Variants in LHFPL1 observed in about 807,000 individuals in gnomAD.
LHFPL1 encodes the protein LHFPL tetraspan subfamily member 1, also known as LHFPL tetraspan subfamily member 1 protein.
In LHFPL1, 4 loss-of-function variants were observed where a neutral mutation model predicts 12.1. The ratio of observed to expected loss-of-function variants is 0.33; its 90% CI spans 0.16 to 0.76. LHFPL1 has a LOEUF of 0.76. Ranked by LOEUF, LHFPL1 falls within the 30% of genes least tolerant of loss-of-function variation. The pLI is 0.61. For synonymous variants in LHFPL1, 52 were observed against 61.9 expected (o/e 0.84, Z 0.75); for missense variants, 141 against 174.1 (o/e 0.81, Z 1.07).
chrX:112,643,077 A>C lies in LHFPL1; in HGVS notation c.482-11476T>G, dbSNP rs768556022. 2.8e-3 allele frequency among the ~76,000 whole-genome samples: 251 copies of C among 89,148 alleles called. 1 individual carries two copies. The highest frequency in any genetic ancestry group is 4.3e-3 in the Non-Finnish European group (208 of 48,645). The allele number at this position is 89,148 out of a possible 115,157, so 77.4% of individuals were successfully genotyped here. Reference sequence around the variant, plus strand: ...ATGAAGAAATACCTGAAACTGGGTAATTTAAAAAAAAAAAAAAAAAAAGCC... The same window carrying C: ...ATGAAGAAATACCTGAAACTGGGTACTTTAAAAAAAAAAAAAAAAAAAGCC... On this transcript the variant is annotated intron_variant, in intron 3 of 3. Coordinates refer to ENST00000371968, the MANE Select transcript of LHFPL1 (RefSeq NM_178175.4).
chrX:112,670,878 G>C, intron 2 of LHFPL1, 131 bp downstream of exon 2: 5 of 711,702 alleles, frequency 7.0e-6, no homozygotes, highest in Non-Finnish European at 8.2e-6. Context: ...TTTTAAAGGA[G>C]ACTTCATTCA....
chrX:112,659,102 C>T (rs902257756), intron 3 of LHFPL1, among the ~76,000 whole-genome samples: 17 of 111,694 alleles, frequency 1.5e-4, no homozygotes, highest in African/African-American at 5.5e-4. Context: ...TGGTTACCAG[C>T]AGCTGGGAGC....
chrX:112,657,315 T>C (rs1408145996), intron 3 of LHFPL1, among the ~76,000 whole-genome samples: 3 of 111,977 alleles, frequency 2.7e-5, no homozygotes, highest in Non-Finnish European at 5.6e-5. Context: ...TAGAAAGTCA[T>C]CTCAGGTTCA....
chrX:112,657,016 A>G (rs1254581991), intron 3 of LHFPL1, among the ~76,000 whole-genome samples: 1 of 112,480 alleles, frequency 8.9e-6, no homozygotes, highest in Non-Finnish European at 1.9e-5. Flanking sequence ...ATTCAAAATT[A>G]GAAGTACAGT....
intron 3 of LHFPL1, among the ~76,000 whole-genome samples, chrX:112,659,659 C>A (rs1326205771): frequency 8.9e-6 from 1 of 112,020 alleles, no homozygotes; most frequent in African/African-American, 3.2e-5. Flanking sequence ...GCTTTTACCC[C>A]AGCTAGCAGG....
chrX:112,673,526 C>A (rs1931570477), intron 1 of LHFPL1, among the ~76,000 whole-genome samples: 1 of 111,768 alleles, frequency 8.9e-6, no homozygotes, highest in African/African-American at 3.3e-5. Flanking sequence ...CCTGATGAAG[C>A]AGCCCAGGCC....
intron 3 of LHFPL1, among the ~76,000 whole-genome samples, chrX:112,641,801 G>A (rs1196679523): frequency 1.8e-5 from 2 of 111,996 alleles, no homozygotes; most frequent in Non-Finnish European, 3.8e-5. Flanking sequence ...CTGGGGAGAA[G>A]GCCCAGATGA....
At chrX:112,674,174 A>G (rs1202224344) in intron 1 of LHFPL1, among the ~76,000 whole-genome samples, 1 of 111,998 alleles carries the variant, frequency 8.9e-6, no homozygotes, top group African/African-American at 3.2e-5. Flanking sequence ...CAAAGCAAAC[A>G]AAAACATAAA....
chrX:112,641,384 TC>T (rs1476067549), intron 3 of LHFPL1, among the ~76,000 whole-genome samples: 2 of 111,887 alleles, frequency 1.8e-5, no homozygotes, highest in Non-Finnish European at 3.8e-5. Context: ...CTGACCAAGG[TC>T]CCCACTTAGA....
chrX:112,671,608 C>G, intron 1 of LHFPL1: 2 of 866,572 alleles, frequency 2.3e-6, no homozygotes, highest in Non-Finnish European at 3.1e-6. Context: ...TTCCCACCTT[C>G]CCTTCCTTCT....
At chrX:112,671,460 G>T (rs1482106039) in intron 1 of LHFPL1, 56 bp from the exon 2 acceptor site, 7 of 1,204,956 alleles carry the variant, frequency 5.8e-6, no homozygotes, top group Non-Finnish European at 6.7e-6. Flanking sequence ...AAGTTACCAT[G>T]TAGGCTCCAC....
At position 112,634,133 on chromosome X, in the gene LHFPL1, G is replaced by A. The variant is rs536113427; in HGVS notation, c.482-2532C>T. ...GCACCTACTTCACAAACCATAATAT[G>A]AGGCTCCGGTGATAGCCCTGGGAAC... On this transcript the variant is annotated intron_variant, in intron 3 of 3. Transcript: ENST00000371968. Among the ~76,000 whole-genome samples, 3 of 112,031 alleles carry A rather than the reference G, an allele frequency of 2.7e-5. No individual in the cohort carries two copies. In the South Asian group the frequency reaches 1.1e-3, roughly 43 times the overall value.
chrX:112,632,150 G>A lies in LHFPL1; in HGVS notation c.482-549C>T, dbSNP rs1333626078. On this transcript the variant is annotated intron_variant, in intron 3 of 3. Transcript: ENST00000371968. ...CCACAGTGATAGAATACTGTACATG[G>A]GCTGCCTGCATCATCAGGGGATTAG... Among the ~76,000 whole-genome samples the A allele has an allele frequency of 3.6e-5, 4 of 111,231 alleles. No homozygotes were observed. The East Asian group carries it at 1.1e-3, about 31-fold the overall frequency.
intron 3 of LHFPL1, among the ~76,000 whole-genome samples, chrX:112,646,481 C>T (rs1930691775): frequency 9.1e-6 from 1 of 109,916 alleles, no homozygotes; most frequent in Non-Finnish European, 1.9e-5. Context: ...CCCAGAAGAC[C>T]AGAGAGAGGC....
At chrX:112,672,978 G>A (rs1602697361) in intron 1 of LHFPL1, among the ~76,000 whole-genome samples, 1 of 111,531 alleles carries the variant, frequency 9.0e-6, no homozygotes, top group Middle Eastern at 4.6e-3. Context: ...ATCAGAACCT[G>A]AAACCTGATC....
At chrX:112,647,377 A>G (rs1159838454) in intron 3 of LHFPL1, among the ~76,000 whole-genome samples, 8 of 109,505 alleles carry the variant, frequency 7.3e-5, no homozygotes, top group African/African-American at 9.9e-5. Context: ...CTATCATCAG[A>G]GTGAACAGGC....
Position 112,671,604 on chromosome X carries a change from C to T in LHFPL1, c.-14-200G>A, listed in dbSNP as rs889970898. On this transcript the variant is annotated intron_variant, in intron 1 of 3. Coordinates refer to ENST00000371968, the MANE Select transcript of LHFPL1 (RefSeq NM_178175.4). ...ATTTTGCTTTTCAGTACTTTTCCCA[C>T]CTTCCCTTCCTTCTGCCTGATTTAG... 8.2e-6 allele frequency: 7 copies of T among 853,766 alleles called. No individual in the cohort carries two copies. The African/African-American group carries it at 1.4e-4, about 18-fold the overall frequency. 70.4% of individuals were successfully genotyped at this position (853,766 alleles called of 1,213,427 possible). A position where few individuals can be genotyped will look rare whatever the true frequency, so the allele number is the denominator to read the frequency against.
rs1427427841 is a variant in LHFPL1, at chrX:112,631,429, G to C, written c.654C>G (p.Leu218=). 3 of 1,200,856 alleles carry C rather than the reference G, an allele frequency of 2.5e-6. No homozygotes were observed. The highest frequency in any genetic ancestry group is 1.8e-5 in the African/African-American group (1 of 56,848). ...AATCTTCTTTCAAAGCTCAAGGTTT[G>C]AGGCAATGGTCAAGCTCCATAGCAT... is the stretch of plus-strand genomic sequence containing the variant. ...NSYAMELDHC[L]KP is the part of the protein sequence containing the mutation. The change falls in exon 4 of 4, where the codon CTC becomes CTG. Residue 218 remains leucine (L), a synonymous_variant. Coordinates refer to ENST00000371968, the MANE Select transcript of LHFPL1 (RefSeq NM_178175.4).
chrX:112,660,149 A>T (rs1931134930), intron 3 of LHFPL1, among the ~76,000 whole-genome samples: 1 of 112,400 alleles, frequency 8.9e-6, no homozygotes, highest in Admixed American at 9.4e-5. Flanking sequence ...TACTTCTGTC[A>T]CCTACTCTAA....
Sources: gnomAD v4.1 joint callset for allele counts (sites outside exome capture counted in the v4.1 genomes callset) on GRCh38, gnomAD v4.1.1 for gene constraint, MANE v1.5 for transcripts, NCBI Gene and HGNC (gene_info 2026-07-23, HGNC 2026-07-21) for gene names.